EIF4G3: variants seen among roughly 807,000 people sequenced by gnomAD.
The protein encoded by EIF4G3 is eukaryotic translation initiation factor 4 gamma 3.
A neutral mutation model predicts 186.4 loss-of-function variants in EIF4G3; 34 were observed. The ratio of observed to expected loss-of-function variants is 0.18; its 90% CI spans 0.14 to 0.24. The LOEUF (loss-of-function observed/expected upper bound fraction) is 0.24. EIF4G3 is among the 10% of genes least tolerant of loss of function. The pLI, the probability that EIF4G3 is intolerant of heterozygous loss-of-function variation, is 1.00. For missense variants in EIF4G3, 1,536 were observed against 1,948.5 expected (o/e 0.79, Z 3.99); for synonymous variants, 673 against 679.5 (o/e 0.99, Z 0.15).
intron 33 of EIF4G3, among the ~76,000 whole-genome samples, chr1:20,819,691 G>A (rs747348196): frequency 2.8e-4 from 42 of 152,128 alleles, no homozygotes; most frequent in Admixed American, 7.9e-4. Context: ...AGAGGGCAGA[G>A]GTTGGGAGAA....
chr1:20,949,364 A>T (rs2096105305), intron 13 of EIF4G3, among the ~76,000 whole-genome samples: 1 of 152,236 alleles, frequency 6.6e-6, no homozygotes, highest in Non-Finnish European at 1.5e-5. Flanking sequence ...ACCTTAGTGT[A>T]CTATTCCTTA....
intron 19 of EIF4G3, 35 bp from the exon 20 acceptor site, chr1:20,879,555 GTAAC>G (rs768593580): frequency 1.6e-6 from 2 of 1,287,746 alleles, no homozygotes. Flanking sequence ...AAGCATTAGA[GTAAC>G]TGTGACAATA....
chr1:21,152,401 C>G (rs1181635858), intron 2 of EIF4G3, among the ~76,000 whole-genome samples: 1 of 148,790 alleles, frequency 6.7e-6, no homozygotes, highest in African/African-American at 2.5e-5. Flanking sequence ...TTTGAAAAGG[C>G]CAACTACTTT....
intron 29 of EIF4G3, among the ~76,000 whole-genome samples, chr1:20,845,476 C>T (rs1033543071): frequency 2.6e-5 from 4 of 152,084 alleles, no homozygotes; most frequent in Admixed American, 2.0e-4. Flanking sequence ...TCCTGGCTAA[C>T]ACCGTGAAAC....
chr1:21,129,061 TC>T (rs1314874546), intron 2 of EIF4G3, among the ~76,000 whole-genome samples: 2 of 152,094 alleles, frequency 1.3e-5, no homozygotes, highest in Non-Finnish European at 2.9e-5. Flanking sequence ...ATGCCTGTAA[TC>T]CCACAATTTT....
At chr1:20,903,191 T>C (rs1189192147) in intron 15 of EIF4G3, among the ~76,000 whole-genome samples, 1 of 152,346 alleles carries the variant, frequency 6.6e-6, no homozygotes, top group East Asian at 1.9e-4. Flanking sequence ...AATAAAGTTT[T>C]GTGAAGATAC....
rs1045035338 is a variant in EIF4G3 at position 21,010,991 on chromosome 1, T to C, written c.-66-8183A>G. Among the ~76,000 whole-genome samples the C allele has an allele frequency of 3.3e-5, 5 of 152,294 alleles. No individual in the cohort carries two copies. The East Asian group carries it at 9.6e-4, about 29-fold the overall frequency. Reference sequence around the variant, plus strand: ...AAAGCAGGTGTGGGAGGTGAAATATTTTCGTAAAATAAATACTAAGATGTC... The same window carrying C: ...AAAGCAGGTGTGGGAGGTGAAATATCTTCGTAAAATAAATACTAAGATGTC... On this transcript the variant is annotated intron_variant, in intron 4 of 36. Coordinates refer to ENST00000602326, the MANE Select transcript of EIF4G3 (RefSeq NM_001391906.1).
chr1:20,900,204 A>G (rs1481226174), intron 15 of EIF4G3, among the ~76,000 whole-genome samples: 1 of 152,250 alleles, frequency 6.6e-6, no homozygotes, highest in African/African-American at 2.4e-5. Flanking sequence ...ACCAAAGGTT[A>G]GAATGGAAAG....
rs114507432 is a variant in EIF4G3 at position 20,918,302 on chromosome 1, C to T, written c.1664-13331G>A. Among the ~76,000 whole-genome samples, 837 of 152,226 alleles carry T rather than the reference C, an allele frequency of 5.5e-3. 2 individuals are homozygous for T. Among genetic ancestry groups the T allele is most frequent in the Non-Finnish European group, 8.4e-3 (574 of 68,014 alleles). On this transcript the variant is annotated intron_variant, in intron 14 of 36. Coordinates refer to ENST00000602326, the MANE Select transcript of EIF4G3 (RefSeq NM_001391906.1). ...ACGGCTCACTACACTCTTGAATTAC[C>T]GGGTTCAAGCAGTCCTCCTGCTTTG...
At chr1:20,984,517 T>C (rs1207172895) in intron 7 of EIF4G3, among the ~76,000 whole-genome samples, 1 of 150,732 alleles carries the variant, frequency 6.6e-6, no homozygotes, top group Non-Finnish European at 1.5e-5. Flanking sequence ...TAAAGAGAAA[T>C]GTATTTGTAA....
chr1:20,946,628 T>C (rs527754756), intron 13 of EIF4G3, among the ~76,000 whole-genome samples: 123 of 152,300 alleles, frequency 8.1e-4, no homozygotes, highest in African/African-American at 2.6e-3. Context: ...CTGGGTCAAA[T>C]ACCATACATA....
chr1:21,176,463 G>T (rs533760551), intron 1 of EIF4G3, 105 bp from the exon 2 acceptor site: 10,818 of 183,804 alleles, frequency 0.059, 510 homozygotes, highest in Non-Finnish European at 0.081. Flanking sequence ...GGGGGCAGCG[G>T]GGGGGCGGGA....
At chr1:20,860,333 T>G in intron 24 of EIF4G3, 52 bp downstream of exon 24, 1 of 1,608,136 alleles carries the variant, frequency 6.2e-7, no homozygotes, top group Admixed American at 1.7e-5. Flanking sequence ...ATTCTTAATA[T>G]GTATTCCTGA....
chr1:20,911,370 C>A (rs368824200), intron 14 of EIF4G3, among the ~76,000 whole-genome samples: 4 of 151,624 alleles, frequency 2.6e-5, no homozygotes, highest in Non-Finnish European at 5.9e-5. Context: ...GAGTTCAAGA[C>A]CAGCCTAGGC....
At chr1:21,006,773 AT>A (rs1487753825) in intron 4 of EIF4G3, among the ~76,000 whole-genome samples, 5 of 152,234 alleles carry the variant, frequency 3.3e-5, no homozygotes, top group African/African-American at 1.2e-4. Flanking sequence ...CAAACACAGC[AT>A]ATCAAGTATA....
At position 20,896,257 on chromosome 1, in the gene EIF4G3, A is replaced by G. The variant is rs371368654; in HGVS notation, c.2000-756T>C. ...AGACCAGCCTGGGCGATGTAGTAAG[A>G]CCTAATCTCTAGAAAAAAAATTTTA... On this transcript the variant is annotated intron_variant, in intron 16 of 36. Coordinates refer to ENST00000602326, the MANE Select transcript of EIF4G3 (RefSeq NM_001391906.1). Among the ~76,000 whole-genome samples the G allele has an allele frequency of 2.6e-5, 4 of 152,058 alleles. No homozygotes were observed. The East Asian group carries it at 5.8e-4, about 22-fold the overall frequency.
intron 18 of EIF4G3, among the ~76,000 whole-genome samples, chr1:20,888,960 G>A (rs754065721): frequency 2.0e-5 from 3 of 151,958 alleles, no homozygotes; most frequent in South Asian, 2.1e-4. Context: ...AACGACACCT[G>A]GTTTCTTTCT....
chr1:20,941,624 C>G lies in EIF4G3; in HGVS notation c.1530G>C (p.Glu510Asp), dbSNP rs746991063. Residue 510 changes from glutamate to aspartate, a missense_variant, in exon 14 of 37, where the codon GAG becomes GAC. Physicochemically the swap from Glu to Asp is conservative, Grantham distance 45. Around this residue, in one of 11 missense-constraint regions of EIF4G3, gnomAD observed 560 missense variants for 547.8 expected, o/e 1.02. Coordinates refer to ENST00000602326, the MANE Select transcript of EIF4G3 (RefSeq NM_001391906.1). ...TAAGGCAAGTTCTTATGCTCTCGTC[C>G]TCCTCTAGGACTCTCTGGACTGTGA... is the stretch of plus-strand genomic sequence containing the variant. ...AAITVQRVLE[E>D]DESIRTCLSE... 6.2e-7 allele frequency: 1 copy of G among 1,614,176 alleles called. No individual in the cohort carries two copies. The highest frequency in any genetic ancestry group is 1.7e-5 in the Admixed American group (1 of 60,022).
chr1:21,063,841 C>T (rs918718632), intron 3 of EIF4G3, among the ~76,000 whole-genome samples: 14 of 150,846 alleles, frequency 9.3e-5, no homozygotes, highest in Non-Finnish European at 1.3e-4. Flanking sequence ...TCCCAAGTAG[C>T]TGGGATTACA....
Sources: gnomAD v4.1 joint callset for allele counts (sites outside exome capture counted in the v4.1 genomes callset) on GRCh38, gnomAD v4.1.1 for gene constraint, gnomAD v4.1.1 regional missense constraint, MANE v1.5 for transcripts, NCBI Gene and HGNC (gene_info 2026-07-23, HGNC 2026-07-21) for gene names.